Variants in RBM46 observed in about 807,000 individuals in gnomAD.
The protein encoded by RBM46 is RNA binding motif protein 46, also known as probable RNA-binding protein 46.
A neutral mutation model predicts 43.3 loss-of-function variants in RBM46; 12 were observed. That is an observed-to-expected ratio of 0.28 (90% CI 0.18 to 0.45). The LOEUF (loss-of-function observed/expected upper bound fraction) is 0.45. Among genes scored for constraint, RBM46 ranks in the 20% least tolerant of loss-of-function variants. The pLI is 1.00. For missense variants in RBM46, 412 were observed against 639.1 expected (o/e 0.64, Z 3.83); for synonymous variants, 205 against 207.6 (o/e 0.99, Z 0.11).
At chr4:154,826,808 A>G in intron 4 of RBM46, 2 of 1,507,556 alleles carry the variant, frequency 1.3e-6, no homozygotes, top group Non-Finnish European at 1.8e-6. Context: ...CCTGCAGTTG[A>G]TCTCATTCCT....
chr4:154,824,495 A>G (rs1560916283), intron 4 of RBM46, among the ~76,000 whole-genome samples: 1 of 152,236 alleles, frequency 6.6e-6, no homozygotes, highest in East Asian at 1.9e-4. Context: ...GTATATTCAC[A>G]CAATGAAGTA....
chr4:154,786,967 A>G (rs920710979), intron 1 of RBM46, among the ~76,000 whole-genome samples: 9 of 152,180 alleles, frequency 5.9e-5, no homozygotes, highest in African/African-American at 2.2e-4. Flanking sequence ...AGTAAATTAT[A>G]AGAACCTAAA....
chr4:154,805,723 A>G (rs1225342064), intron 4 of RBM46, among the ~76,000 whole-genome samples: 1 of 151,990 alleles, frequency 6.6e-6, no homozygotes, highest in Admixed American at 6.6e-5. Flanking sequence ...TCAGATAAAA[A>G]TATTCCAAAC....
At chr4:154,822,993 A>T (rs908344574) in intron 4 of RBM46, among the ~76,000 whole-genome samples, 1 of 151,996 alleles carries the variant, frequency 6.6e-6, no homozygotes, top group South Asian at 2.1e-4. Context: ...TAGCAGTATT[A>T]TAAATAATAG....
At chr4:154,820,825 T>A (rs1735687351) in intron 4 of RBM46, among the ~76,000 whole-genome samples, 1 of 151,930 alleles carries the variant, frequency 6.6e-6, no homozygotes. Flanking sequence ...TACTAAGATT[T>A]AGTGTTTAGT....
intron 1 of RBM46, among the ~76,000 whole-genome samples, chr4:154,783,315 CAA>C (rs1733596874): frequency 6.6e-6 from 1 of 152,006 alleles, no homozygotes; most frequent in Admixed American, 6.6e-5. Flanking sequence ...TATTATGAAA[CAA>C]GAATTATTAA....
chr4:154,802,589 A>G lies in RBM46; in HGVS notation c.1402+3025A>G, dbSNP rs941026811. On this transcript the variant is annotated intron_variant, in intron 4 of 4. Coordinates refer to ENST00000281722, the MANE Select transcript of RBM46 (RefSeq NM_144979.5). ...GGTAGTGGTGTGTTCTTGACATCCT[A>G]GTAAATACTTACGTAGTCCAAGGAT... 2.0e-5 allele frequency among the ~76,000 whole-genome samples: 3 copies of G among 152,318 alleles called. No individual in the cohort carries two copies. The South Asian group carries it at 6.2e-4, about 32-fold the overall frequency.
At chr4:154,784,750 A>T (rs1476759429) in intron 1 of RBM46, among the ~76,000 whole-genome samples, 1 of 152,200 alleles carries the variant, frequency 6.6e-6, no homozygotes, top group Non-Finnish European at 1.5e-5. Flanking sequence ...AGGGTAAGGA[A>T]ATAAGTTTTT....
intron 4 of RBM46, among the ~76,000 whole-genome samples, chr4:154,813,946 CAAACT>C (rs1163057962): frequency 6.6e-6 from 1 of 151,898 alleles, no homozygotes; most frequent in African/African-American, 2.4e-5. Flanking sequence ...AATTTTCTGT[CAAACT>C]AAAGACCAGT....
chr4:154,788,910 G>A (rs1733930450), intron 1 of RBM46, among the ~76,000 whole-genome samples: 1 of 152,142 alleles, frequency 6.6e-6, no homozygotes, highest in South Asian at 2.1e-4. Context: ...TCCCTTGTAA[G>A]TTGGCTTCCT....
intron 3 of RBM46, among the ~76,000 whole-genome samples, chr4:154,798,550 C>G (rs895728730): frequency 6.6e-6 from 1 of 152,118 alleles, no homozygotes; most frequent in African/African-American, 2.4e-5. Context: ...CTTAATTCTT[C>G]TGATAAAGAT....
At chr4:154,796,575 G>A (rs1215843469) in intron 1 of RBM46, among the ~76,000 whole-genome samples, 167 bp from the exon 2 acceptor site, 1 of 152,148 alleles carries the variant, frequency 6.6e-6, no homozygotes, top group Non-Finnish European at 1.5e-5. Flanking sequence ...AAGTTTCCAA[G>A]TTTCCACTGT....
In RBM46 at chr4:154,798,003, A is replaced by G; in HGVS notation, c.344A>G (p.Gln115Arg). ...FVMYTTKEEA[Q>R]LAIRILNNYE... ...ATGTACACTACAAAAGAAGAAGCCC[A>G]ATTAGCCATCAGAATTCTTAATAAT... The change falls in exon 3 of 5, where the codon CAA (glutamine) becomes CGA (arginine). Residue 115 changes from glutamine to arginine, a missense_variant. By Grantham distance (43) the Gln-to-Arg change is conservative. Around this residue, in one of 8 missense-constraint regions of RBM46, gnomAD observed 48 missense variants for 78.9 expected, o/e 0.61. Transcript: ENST00000281722. 1 of 1,613,282 alleles carries G rather than the reference A, an allele frequency of 6.2e-7. No individual in the cohort carries two copies. Among genetic ancestry groups the G allele is most frequent in the Non-Finnish European group, 8.5e-7 (1 of 1,179,822 alleles).
chr4:154,792,646 C>G (rs546091764), intron 1 of RBM46, among the ~76,000 whole-genome samples: 2 of 152,088 alleles, frequency 1.3e-5, no homozygotes, highest in South Asian at 4.1e-4. Context: ...TAAGGGAATA[C>G]TTGATTTAGA....
At chr4:154,816,814 T>C (rs1189933068) in intron 4 of RBM46, among the ~76,000 whole-genome samples, 1 of 152,156 alleles carries the variant, frequency 6.6e-6, no homozygotes, top group Admixed American at 6.5e-5. Flanking sequence ...ATAGCTTTTA[T>C]TATAGAAGTC....
At position 154,804,814 on chromosome 4, in the gene RBM46, GTTT is replaced by G. The variant is rs575968520; in HGVS notation, c.1402+5270_1402+5272del. Reference sequence around the variant, plus strand: ...GTTCTGGACAAAAATGATTAAGGTTGTTTTTTTTTTTTTTTTTTTTTTAAACAG... The same window carrying G: ...GTTCTGGACAAAAATGATTAAGGTTGTTTTTTTTTTTTTTTTTTTAAACAG... On this transcript the variant is annotated intron_variant, in intron 4 of 4. Transcript: ENST00000281722. 2.9e-3 allele frequency among the ~76,000 whole-genome samples: 328 copies of G among 113,214 alleles called. 2 individuals are homozygous for G. The highest frequency in any genetic ancestry group is 7.9e-3 in the African/African-American group (256 of 32,276). The allele number at this position is 113,214 out of a possible 152,430, so 74.3% of individuals were successfully genotyped here.
At chr4:154,791,299 C>T (rs367756762) in intron 1 of RBM46, among the ~76,000 whole-genome samples, 2 of 152,092 alleles carry the variant, frequency 1.3e-5, no homozygotes, top group Non-Finnish European at 2.9e-5. Context: ...ATTTTGGAGA[C>T]CTTTTAATCA....
chr4:154,821,164 A>G (rs1032516674), intron 4 of RBM46, among the ~76,000 whole-genome samples: 1 of 151,826 alleles, frequency 6.6e-6, no homozygotes, highest in African/African-American at 2.4e-5. Context: ...CTCAGACTCA[A>G]AGAGAAATGC....
intron 4 of RBM46, among the ~76,000 whole-genome samples, chr4:154,826,454 G>A (rs538133622): frequency 2.2e-4 from 34 of 152,166 alleles, no homozygotes; most frequent in African/African-American, 7.2e-4. Flanking sequence ...GTGAAACTCT[G>A]TCTCAAATAA....
Sources: gnomAD v4.1 joint callset for allele counts (sites outside exome capture counted in the v4.1 genomes callset) on GRCh38, gnomAD v4.1.1 for gene constraint, gnomAD v4.1.1 regional missense constraint, MANE v1.5 for transcripts, NCBI Gene and HGNC (gene_info 2026-07-23, HGNC 2026-07-21) for gene names.